Variants in AGBL2 observed in about 807,000 individuals in gnomAD.
AGBL2 encodes AGBL carboxypeptidase 2, also known as cytosolic carboxypeptidase 2.
AGBL2 carries 87 observed loss-of-function variants against 103.0 expected under a neutral mutation model. That is an observed-to-expected ratio of 0.84 (90% CI 0.71 to 1.01). AGBL2 has a LOEUF of 1.01. AGBL2 is among the 50% of genes least tolerant of loss of function. The pLI is 0.00. For missense variants in AGBL2, 904 were observed against 1,023.5 expected, an observed-to-expected ratio of 0.88 and a Z score of 1.59; for synonymous variants, 335 against 356.7, an observed-to-expected ratio of 0.94 and a Z score of 0.69.
chr11:47,710,480 C>A lies in AGBL2; in HGVS notation c.129G>T (p.Thr43=). The A allele has an allele frequency of 1.9e-6, 3 of 1,614,138 alleles. No individual in the cohort carries two copies. Among genetic ancestry groups the A allele is most frequent in the Non-Finnish European group, 2.5e-6 (3 of 1,180,036 alleles). The change falls in exon 4 of 19, where the codon ACG becomes ACT. Residue 43 remains threonine (T), a synonymous_variant. Coordinates refer to ENST00000525123, the MANE Select transcript of AGBL2 (RefSeq NM_024783.4). ...GGTTATTCTTCCGAACATGCTGATG[C>A]GTAGCAGAGTTTGGTAAACTGCCTC... ...AQRGSLPNSA[T]HQHVRKNNPQ...
chr11:47,699,882 G>A (rs1365012650), intron 7 of AGBL2, among the ~76,000 whole-genome samples: 1 of 152,050 alleles, frequency 6.6e-6, no homozygotes, highest in South Asian at 2.1e-4. Flanking sequence ...AGCAAAATAT[G>A]GTCATTAACA....
In AGBL2 at chr11:47,660,134, C is replaced by T. The variant is rs138270196; in HGVS notation, c.*39G>A. On this transcript the variant is annotated 3_prime_UTR_variant, in exon 19 of 19. Transcript: ENST00000525123. ...TTATAAAATGTGTCTAATCTCAAAACCCCCGATGAAGTGCTTGTGTGGCAC... is the reference window on the plus strand; with the variant it reads ...TTATAAAATGTGTCTAATCTCAAAATCCCCGATGAAGTGCTTGTGTGGCAC... 3.1e-4 allele frequency: 490 copies of T among 1,567,542 alleles called. 6 individuals carry two copies. In the East Asian group the frequency reaches 5.8e-3, roughly 19 times the overall value.
chr11:47,709,214 A>C (rs1264171710), intron 4 of AGBL2, among the ~76,000 whole-genome samples: 1 of 152,156 alleles, frequency 6.6e-6, no homozygotes, highest in Non-Finnish European at 1.5e-5. Flanking sequence ...TCAGATTTGC[A>C]TATAAAAAAC....
At chr11:47,661,907 C>A (rs557280996) in intron 18 of AGBL2, among the ~76,000 whole-genome samples, 1 of 152,112 alleles carries the variant, frequency 6.6e-6, no homozygotes, top group East Asian at 1.9e-4. Flanking sequence ...TGCCACCACA[C>A]CTGGCTAATT....
At position 47,690,160 on chromosome 11, in the gene AGBL2, G is replaced by A; in HGVS notation, c.1547C>T (p.Ala516Val). Reference sequence around the variant, plus strand: ...ATAATGCCTGTTCAAATCCCTTCCGGCCAAGGAACACCGATAATTCCCCAC... The same window carrying A: ...ATAATGCCTGTTCAAATCCCTTCCGACCAAGGAACACCGATAATTCCCCAC... ...VIVGNYRCSL[A>V]GRDLNRHYKT... The change falls in exon 10 of 19, where the codon GCC (alanine) becomes GTC (valine). Residue 516 changes from alanine to valine, a missense_variant. Physicochemically the swap from Ala to Val is moderately conservative, Grantham distance 64. Transcript: ENST00000525123. 6.2e-7 allele frequency: 1 copy of A among 1,614,080 alleles called. No individual in the cohort carries two copies. The highest frequency in any genetic ancestry group is 8.5e-7 in the Non-Finnish European group (1 of 1,180,000).
intron 11 of AGBL2, 57 bp from the exon 12 acceptor site, chr11:47,682,152 A>C: frequency 6.6e-7 from 1 of 1,506,678 alleles, no homozygotes; most frequent in Non-Finnish European, 9.2e-7. Context: ...AAAATATCTA[A>C]GATTCATTAA....
Position 47,710,625 on chromosome 11 carries a change from G to T in AGBL2, c.98-114C>A, listed in dbSNP as rs1406287024. The T allele has an allele frequency of 4.9e-6, 6 of 1,230,730 alleles. No homozygotes were observed. In the Admixed American group the frequency reaches 9.1e-5, roughly 19 times the overall value. The allele number at this position is 1,230,730 out of a possible 1,614,324, so 76.2% of individuals were successfully genotyped here. On this transcript the variant is annotated intron_variant, in intron 3 of 18. Transcript: ENST00000525123. Reference sequence around the variant, plus strand: ...TCACCACCCACCACCACAGCCCTTTGCAATGAATACACTGCATTTTTCAAA... The same window carrying T: ...TCACCACCCACCACCACAGCCCTTTTCAATGAATACACTGCATTTTTCAAA...
chr11:47,668,468 C>A (rs2097347763), intron 15 of AGBL2, among the ~76,000 whole-genome samples: 1 of 152,014 alleles, frequency 6.6e-6, no homozygotes, highest in Admixed American at 6.6e-5. Context: ...GGAGACAGAG[C>A]AAGACTCCAT....
chr11:47,709,252 G>C (rs2097530178), intron 4 of AGBL2, among the ~76,000 whole-genome samples: 1 of 152,064 alleles, frequency 6.6e-6, no homozygotes, highest in Non-Finnish European at 1.5e-5. Flanking sequence ...TGATTGGAGG[G>C]GGCGGGGCAG....
intron 14 of AGBL2, 118 bp downstream of exon 14, chr11:47,677,153 A>C: frequency 1.2e-6 from 1 of 853,316 alleles, no homozygotes; most frequent in Non-Finnish European, 1.6e-6. Context: ...GACTACAGGC[A>C]TAGATCACCA....
chr11:47,669,207 A>G (rs2097349881), intron 14 of AGBL2, among the ~76,000 whole-genome samples: 1 of 152,154 alleles, frequency 6.6e-6, no homozygotes, highest in Non-Finnish European at 1.5e-5. Flanking sequence ...AACTGAGACT[A>G]CAGGCTCATG....
At chr11:47,664,838 G>A (rs910983544) in intron 17 of AGBL2, among the ~76,000 whole-genome samples, 1 of 150,788 alleles carries the variant, frequency 6.6e-6, no homozygotes, top group Non-Finnish European at 1.5e-5. Flanking sequence ...GATTACAGGT[G>A]TGAGCTACCG....
At chr11:47,671,666 A>C (rs1430928663) in intron 14 of AGBL2, among the ~76,000 whole-genome samples, 1 of 152,228 alleles carries the variant, frequency 6.6e-6, no homozygotes. Context: ...CTCTCAGTGC[A>C]CAATGAGTAG....
rs1397789328 is a variant in AGBL2, at chr11:47,663,033, C to T, written c.2528G>A (p.Arg843Lys). 2 of 1,609,042 alleles carry T rather than the reference C, an allele frequency of 1.2e-6. No homozygotes were observed. Among genetic ancestry groups the T allele is most frequent in the Non-Finnish European group, 1.7e-6 (2 of 1,177,304 alleles). Residue 843 changes from arginine to lysine, a missense_variant, in exon 18 of 19, where the codon AGA (arginine) becomes AAA (lysine). By Grantham distance (26) the Arg-to-Lys change is conservative. Transcript: ENST00000525123. ...GTATATTAGGTGAAGTACCTGCATT[C>T]TCCCTTTATTCTTAGGCAGAATCAG... is the stretch of plus-strand genomic sequence containing the variant. The part of the protein sequence containing the change: ...ATLILPKNKG[R>K]MQNKKPGFTV...
Position 47,660,044 on chromosome 11 carries a change from A to T in AGBL2, c.*129T>A. Reference sequence around the variant, plus strand: ...CAGTGTAAGTACAAAGTGTAAGGTCAGTGCATGAGTGCACAACACAGTATA... The same window carrying T: ...CAGTGTAAGTACAAAGTGTAAGGTCTGTGCATGAGTGCACAACACAGTATA... On this transcript the variant is annotated 3_prime_UTR_variant, in exon 19 of 19. Coordinates refer to ENST00000525123, the MANE Select transcript of AGBL2 (RefSeq NM_024783.4). 1.1e-6 allele frequency: 1 copy of T among 913,298 alleles called. No homozygotes were observed. Among genetic ancestry groups the T allele is most frequent in the Non-Finnish European group, 1.6e-6 (1 of 628,884 alleles). 56.6% of individuals were successfully genotyped at this position (913,298 alleles called of 1,614,324 possible).
At chr11:47,691,980 C>T (rs2097449341) in intron 9 of AGBL2, 123 bp downstream of exon 9, 5 of 823,640 alleles carry the variant, frequency 6.1e-6, no homozygotes, top group East Asian at 2.8e-5. Context: ...CATTTTTCTT[C>T]ATACCCATAA....
intron 18 of AGBL2, among the ~76,000 whole-genome samples, chr11:47,662,659 A>G (rs1343131809): frequency 6.6e-6 from 1 of 151,664 alleles, no homozygotes; most frequent in East Asian, 1.9e-4. Flanking sequence ...TGCCCAACTA[A>G]TTTTTGTATT....
At chr11:47,667,777 T>G (rs2097345314) in intron 15 of AGBL2, 81 bp from the exon 16 acceptor site, 3 of 1,481,428 alleles carry the variant, frequency 2.0e-6, no homozygotes, top group Non-Finnish European at 2.7e-6. Context: ...CATGCAACAC[T>G]CAAGACACAA....
At chr11:47,683,168 T>C (rs950672142) in intron 11 of AGBL2, among the ~76,000 whole-genome samples, 1 of 151,692 alleles carries the variant, frequency 6.6e-6, no homozygotes, top group Non-Finnish European at 1.5e-5. Flanking sequence ...GTCAGGAATT[T>C]GAGACCAGCC....
Sources: gnomAD v4.1 joint callset for allele counts (sites outside exome capture counted in the v4.1 genomes callset) on GRCh38, gnomAD v4.1.1 for gene constraint, MANE v1.5 for transcripts, NCBI Gene and HGNC (gene_info 2026-07-23, HGNC 2026-07-21) for gene names.